The following STK3 variants were observed in gnomAD, a reference collection of about 807,000 sequenced individuals.
STK3 encodes serine/threonine-protein kinase 3.
In STK3, 41 loss-of-function variants were observed where a neutral mutation model predicts 58.0. The observed-to-expected ratio is 0.71, with a 90% confidence interval of 0.55 to 0.92. The LOEUF is 0.92. STK3 is among the 40% of genes least tolerant of loss of function. The pLI, the probability that STK3 is intolerant of heterozygous loss-of-function variation, is 0.00. For synonymous variants in STK3, 170 were observed against 191.0 expected, an observed-to-expected ratio of 0.89 and a Z score of 0.91; for missense variants, 479 against 602.7, an observed-to-expected ratio of 0.79 and a Z score of 2.15.
intron 10 of STK3, among the ~76,000 whole-genome samples, chr8:98,508,034 C>G (rs1463936926): frequency 6.6e-6 from 1 of 152,102 alleles, no homozygotes; most frequent in Non-Finnish European, 1.5e-5. Flanking sequence ...TGGTTATTGA[C>G]TGTTTTCTCC....
At chr8:98,907,411 G>T (rs965570062) in intron 1 of STK3, among the ~76,000 whole-genome samples, 1 of 151,796 alleles carries the variant, frequency 6.6e-6, no homozygotes, top group Non-Finnish European at 1.5e-5. Context: ...TACTCGGGAG[G>T]CTAAGGCAGG....
chr8:98,575,646 T>C (rs960781276), intron 8 of STK3, among the ~76,000 whole-genome samples: 4 of 151,886 alleles, frequency 2.6e-5, no homozygotes, highest in South Asian at 2.1e-4. Flanking sequence ...TTTTTTTTTT[T>C]TCTTTTAAAC....
At chr8:98,529,525 T>A (rs762388423) in intron 9 of STK3, among the ~76,000 whole-genome samples, 3 of 152,242 alleles carry the variant, frequency 2.0e-5, no homozygotes, top group African/African-American at 7.2e-5. Flanking sequence ...CTTCACCTTA[T>A]GTGTTTTAAA....
At chr8:98,922,101 T>C (rs1839588605) in intron 1 of STK3, among the ~76,000 whole-genome samples, 1 of 152,184 alleles carries the variant, frequency 6.6e-6, no homozygotes, top group Admixed American at 6.5e-5. Flanking sequence ...AGAGGGAAAC[T>C]GCTGGCGTAT....
intron 9 of STK3, among the ~76,000 whole-genome samples, chr8:98,538,226 T>C (rs2131541491): frequency 6.6e-6 from 1 of 152,306 alleles, no homozygotes; most frequent in East Asian, 1.9e-4. Context: ...CTTCGAAATG[T>C]GTCCTTTAAT....
intron 8 of STK3, among the ~76,000 whole-genome samples, chr8:98,579,209 G>A (rs998776232): frequency 1.8e-4 from 28 of 152,078 alleles, no homozygotes; most frequent in Admixed American, 5.2e-4. Context: ...ATTTTATTTC[G>A]TTATTTAAAT....
intron 7 of STK3, among the ~76,000 whole-genome samples, chr8:98,590,266 C>A (rs1815173124): frequency 6.6e-6 from 1 of 152,182 alleles, no homozygotes; most frequent in Non-Finnish European, 1.5e-5. Flanking sequence ...TTCCTGTGCA[C>A]CTCTTCTTGG....
intron 3 of STK3, among the ~76,000 whole-genome samples, chr8:98,845,787 G>C (rs938258217): frequency 1.3e-5 from 2 of 152,212 alleles, no homozygotes; most frequent in Non-Finnish European, 2.9e-5. Flanking sequence ...TTACTAAAGT[G>C]TATTAACTTG....
chr8:98,344,196 C>T, the STK3 span, among the ~76,000 whole-genome samples: 1 of 152,150 alleles, frequency 6.6e-6, no homozygotes, highest in Non-Finnish European at 1.5e-5. Context: ...CTGAAGAAAA[C>T]ATAATTGTTT....
chr8:98,620,200 G>GT (rs1329919604), intron 6 of STK3, among the ~76,000 whole-genome samples: 39 of 85,964 alleles, frequency 4.5e-4, no homozygotes, highest in Non-Finnish European at 8.0e-4. Context: ...ATCATTCTCA[G>GT]TAAACTATCG....
At chr8:98,818,342 T>C (rs927124458) in intron 1 of STK3, among the ~76,000 whole-genome samples, 2 of 152,208 alleles carry the variant, frequency 1.3e-5, no homozygotes. Context: ...AAACAATTAA[T>C]AATTACTGAA....
chr8:98,466,070 A>T (rs1184458795), intron 10 of STK3, among the ~76,000 whole-genome samples: 2 of 152,206 alleles, frequency 1.3e-5, no homozygotes, highest in Non-Finnish European at 2.9e-5. Context: ...GAAAAATTGT[A>T]TTACCTTTGA....
intron 4 of STK3, among the ~76,000 whole-genome samples, chr8:98,731,936 T>C (rs1828238789): frequency 6.6e-6 from 1 of 152,058 alleles, no homozygotes; most frequent in Non-Finnish European, 1.5e-5. Flanking sequence ...ACAGAAATGA[T>C]TCAGGAAACA....
intron 6 of STK3, among the ~76,000 whole-genome samples, chr8:98,670,671 A>G (rs1822758385): frequency 6.6e-6 from 1 of 152,102 alleles, no homozygotes; most frequent in Non-Finnish European, 1.5e-5. Context: ...TTTTTAACCA[A>G]TCAAATGTTG....
chr8:98,504,624 G>A (rs1357384735), intron 10 of STK3, among the ~76,000 whole-genome samples: 3 of 152,140 alleles, frequency 2.0e-5, no homozygotes. Flanking sequence ...GTTTGTAATG[G>A]ATTTTATTTC....
At chr8:98,623,942 T>C (rs1193080355) in intron 6 of STK3, among the ~76,000 whole-genome samples, 2 of 152,224 alleles carry the variant, frequency 1.3e-5, no homozygotes, top group Non-Finnish European at 1.5e-5. Context: ...GTTGTTTAAA[T>C]CACCCAGTCT....
chr8:98,577,208 C>T (rs1001191016), intron 8 of STK3, among the ~76,000 whole-genome samples: 1 of 152,096 alleles, frequency 6.6e-6, no homozygotes, highest in African/African-American at 2.4e-5. Flanking sequence ...AAAACTGGGC[C>T]GGGCGCAGTG....
chr8:98,923,850 TGTGTGCGCGCGCGCGCGCGCGCGC>T (rs1410333803), intron 1 of STK3, among the ~76,000 whole-genome samples: 1 of 121,596 alleles, frequency 8.2e-6, no homozygotes, highest in Non-Finnish European at 1.7e-5. Flanking sequence ...TGTGTGTGTG[TGTGTGCGCGCGCGCGCGCGCGCGC>T]GCGTTGACAA....
upstream of STK3, among the ~76,000 whole-genome samples, chr8:98,388,681 A>T (rs1487391942): frequency 6.6e-6 from 1 of 152,260 alleles, no homozygotes; most frequent in Non-Finnish European, 1.5e-5. Context: ...AAATTTTAAA[A>T]GCAACTTGGA....
Sources: allele counts gnomAD v4.1 joint callset (sites outside exome capture counted in the v4.1 genomes callset), GRCh38; gene constraint gnomAD v4.1.1; transcripts MANE v1.5; gene names NCBI Gene and HGNC (gene_info 2026-07-23, HGNC 2026-07-21).